EPS15: variants seen among roughly 807,000 people sequenced by gnomAD.
EPS15 encodes the protein epidermal growth factor receptor pathway substrate 15, also known as epidermal growth factor receptor substrate 15.
In EPS15, 72 loss-of-function variants were observed where a neutral mutation model predicts 113.8. The ratio of observed to expected loss-of-function variants is 0.63; its 90% CI spans 0.52 to 0.77. The LOEUF (loss-of-function observed/expected upper bound fraction) is 0.77. EPS15 is among the 30% of genes least tolerant of loss of function. EPS15 has a pLI of 0.00. For missense variants in EPS15, 1,048 were observed against 1,045.8 expected (o/e 1.00, Z -0.03); for synonymous variants, 344 against 363.4 (o/e 0.95, Z 0.61).
chr1:51,402,382 T>C, intron 18 of EPS15, 53 bp downstream of exon 18: 15 of 974,820 alleles, frequency 1.5e-5, no homozygotes, highest in Middle Eastern at 3.2e-4. Context: ...AGTTTATATA[T>C]TAAAAAGTCT....
chr1:51,356,467 G>C lies in EPS15; in HGVS notation c.*233C>G. The C allele has an allele frequency of 2.2e-6, 1 of 446,276 alleles. No homozygotes were observed. The highest frequency in any genetic ancestry group is 4.0e-6 in the Non-Finnish European group (1 of 252,314). The allele number at this position is 446,276 out of a possible 1,614,324, so 27.6% of individuals were successfully genotyped here. A position where few individuals can be genotyped will look rare whatever the true frequency, so the allele number is the denominator to read the frequency against. On this transcript the variant is annotated 3_prime_UTR_variant, in exon 25 of 25. Coordinates refer to ENST00000371733, the MANE Select transcript of EPS15 (RefSeq NM_001981.3). ...CTCACAGTAAATGTATACCAGAACA[G>C]GGGCCTAAGTGAAGGTGAATTTGTC... is the stretch of plus-strand genomic sequence containing the variant.
At position 51,448,313 on chromosome 1, in the gene EPS15, GAAAT is replaced by G. The variant is rs150173069; in HGVS notation, c.562-182_562-179del. Reference sequence around the variant, plus strand: ...GGATGAAAGGAGGGAGAAAAAGAAAGAAATAAAAACTAAGAAATTTTTAGGAAGA... The same window carrying G: ...GGATGAAAGGAGGGAGAAAAAGAAAGAAAAACTAAGAAATTTTTAGGAAGA... On this transcript the variant is annotated intron_variant, in intron 8 of 24. Transcript: ENST00000371733. 8.2e-3 allele frequency among the ~76,000 whole-genome samples: 1,242 copies of G among 151,986 alleles called. 12 individuals are homozygous for G. Among genetic ancestry groups the G allele is most frequent in the African/African-American group, 0.029 (1,197 of 41,494 alleles).
chr1:51,381,844 A>G (rs1646948762), intron 21 of EPS15, among the ~76,000 whole-genome samples: 1 of 152,178 alleles, frequency 6.6e-6, no homozygotes, highest in Admixed American at 6.5e-5. Flanking sequence ...CTAACTATAA[A>G]TACTTAAAAA....
At chr1:51,485,040 A>G (rs1485509685) in intron 1 of EPS15, among the ~76,000 whole-genome samples, 1 of 152,226 alleles carries the variant, frequency 6.6e-6, no homozygotes, top group Non-Finnish European at 1.5e-5. Flanking sequence ...ACATCACTGT[A>G]TCCAATAAAA....
chr1:51,375,800 C>A (rs988015154), intron 21 of EPS15, among the ~76,000 whole-genome samples: 3 of 152,080 alleles, frequency 2.0e-5, no homozygotes, highest in African/African-American at 7.2e-5. Flanking sequence ...AAAAGACTTA[C>A]GTTGTAACTA....
At chr1:51,423,485 C>A (rs1650954783) in intron 12 of EPS15, 5 of 985,258 alleles carry the variant, frequency 5.1e-6, no homozygotes, top group Non-Finnish European at 6.0e-6. Flanking sequence ...AGTCTTGCTG[C>A]AGCATGTTAG....
chr1:51,432,223 G>C (rs1651788355), intron 12 of EPS15, among the ~76,000 whole-genome samples: 1 of 152,054 alleles, frequency 6.6e-6, no homozygotes, highest in Non-Finnish European at 1.5e-5. Flanking sequence ...TAAGCTACCA[G>C]AGCCACAAAA....
At chr1:51,455,124 G>C (rs1653880756) in intron 8 of EPS15, among the ~76,000 whole-genome samples, 1 of 151,748 alleles carries the variant, frequency 6.6e-6, no homozygotes, top group African/African-American at 2.4e-5. Context: ...AAAATAAAAA[G>C]CAGTAGTTTC....
intron 15 of EPS15, among the ~76,000 whole-genome samples, 158 bp from the exon 16 acceptor site, chr1:51,406,266 A>G (rs967715234): frequency 6.6e-6 from 1 of 152,168 alleles, no homozygotes; most frequent in Non-Finnish European, 1.5e-5. Flanking sequence ...GCTTCAGCCC[A>G]GGAGTTCAAG....
rs1655011152 is a variant in EPS15 at position 51,468,507 on chromosome 1, C to T, written c.275G>A (p.Ser92Asn). The T allele has an allele frequency of 3.7e-6, 6 of 1,613,246 alleles. No individual in the cohort carries two copies. The highest frequency in any genetic ancestry group is 2.2e-5 in the South Asian group (2 of 91,068). Residue 92 changes from serine (S) to asparagine (N), a missense_variant, in exon 5 of 25, where the codon AGT becomes AAT. Ser to Asn is a conservative substitution (Grantham distance 46). Transcript: ENST00000371733. Reference protein sequence around the residue: ...CAQNGLEVSLSSLNLAVPPPR... With the variant: ...CAQNGLEVSLNSLNLAVPPPR... ...TGGAGGAACAGCCAGGTTCAAACTACTTAGTGAAACTTCCAATCCATTCTG... is the reference window on the plus strand; with the variant it reads ...TGGAGGAACAGCCAGGTTCAAACTATTTAGTGAAACTTCCAATCCATTCTG...
chr1:51,493,398 G>A (rs1438365152), intron 1 of EPS15, among the ~76,000 whole-genome samples: 4 of 149,588 alleles, frequency 2.7e-5, no homozygotes, highest in East Asian at 2.0e-4. Flanking sequence ...GGTGGTGGGC[G>A]CCTGTAGTCC....
At position 51,354,437 on chromosome 1, in the gene EPS15, T is replaced by A. The variant is rs1646172831; in HGVS notation, c.*2263A>T. The A allele has an allele frequency of 5.5e-6, 1 of 180,258 alleles. No homozygotes were observed. Among genetic ancestry groups the A allele is most frequent in the African/African-American group, 2.4e-5 (1 of 42,360 alleles). The allele number at this position is 180,258 out of a possible 1,614,324, so 11.2% of individuals were successfully genotyped here. On this transcript the variant is annotated 3_prime_UTR_variant, in exon 25 of 25. Transcript: ENST00000371733. ...ATATATGGATGGGATTCTTTATTAT[T>A]ACTTAAAGTTTACTGTTCTCATAAT...
chr1:51,395,697 T>C (rs1216024285), intron 20 of EPS15, among the ~76,000 whole-genome samples: 1 of 152,260 alleles, frequency 6.6e-6, no homozygotes, highest in Non-Finnish European at 1.5e-5. Flanking sequence ...ACTTTAGTTT[T>C]TAATCATAGT....
chr1:51,392,593 G>A (rs971796929), intron 21 of EPS15, among the ~76,000 whole-genome samples: 1 of 152,146 alleles, frequency 6.6e-6, no homozygotes, highest in Non-Finnish European at 1.5e-5. Context: ...AATAGCTCTT[G>A]CAAAAATGTG....
chr1:51,389,510 G>A (rs1647196740), intron 21 of EPS15, among the ~76,000 whole-genome samples: 1 of 152,210 alleles, frequency 6.6e-6, no homozygotes, highest in Admixed American at 6.5e-5. Context: ...ATTCAATTAG[G>A]AAAAGAGGAA....
At chr1:51,430,080 G>A (rs999930189) in intron 12 of EPS15, among the ~76,000 whole-genome samples, 1 of 152,182 alleles carries the variant, frequency 6.6e-6, no homozygotes, top group African/African-American at 2.4e-5. Flanking sequence ...GAGGAAGAGA[G>A]GAAGCAGAGG....
At chr1:51,381,233 C>T (rs980400344) in intron 21 of EPS15, among the ~76,000 whole-genome samples, 1 of 152,164 alleles carries the variant, frequency 6.6e-6, no homozygotes, top group Admixed American at 6.5e-5. Context: ...TAATGTTCTC[C>T]AAGACAGAAC....
intron 21 of EPS15, among the ~76,000 whole-genome samples, chr1:51,387,085 C>A (rs982929863): frequency 1.8e-4 from 28 of 152,202 alleles, no homozygotes; most frequent in Non-Finnish European, 2.6e-4. Flanking sequence ...TCGGGTTACC[C>A]ACAAAGGGAA....
intron 1 of EPS15, among the ~76,000 whole-genome samples, chr1:51,499,054 C>T (rs1644372033): frequency 6.6e-6 from 1 of 152,192 alleles, no homozygotes; most frequent in Non-Finnish European, 1.5e-5. Flanking sequence ...TATGAGGATG[C>T]AGCAAGAAGC....
Sources: allele counts gnomAD v4.1 joint callset (sites outside exome capture counted in the v4.1 genomes callset), GRCh38; gene constraint gnomAD v4.1.1; transcripts MANE v1.5; gene names NCBI Gene and HGNC (gene_info 2026-07-23, HGNC 2026-07-21).